Variants in CACNA1E observed in about 807,000 individuals in gnomAD.
CACNA1E encodes calcium voltage-gated channel subunit alpha1 E.
A neutral mutation model predicts 259.2 loss-of-function variants in CACNA1E; 40 were observed. That is an observed-to-expected ratio of 0.15 (90% CI 0.12 to 0.20). The LOEUF (loss-of-function observed/expected upper bound fraction) is 0.20. CACNA1E is among the 10% of genes least tolerant of loss of function. The probability of loss-of-function intolerance (pLI) is 1.00; values close to 1 mark genes in which losing one functional copy is unlikely to be tolerated. For missense variants in CACNA1E, 1,874 were observed against 3,040.1 expected (o/e 0.62, Z 9.02); for synonymous variants, 1,104 against 1,138.5 (o/e 0.97, Z 0.61).
intron 25 of CACNA1E, among the ~76,000 whole-genome samples, chr1:181,750,176 C>G (rs2102653044): frequency 6.6e-6 from 1 of 152,366 alleles, no homozygotes; most frequent in African/African-American, 2.4e-5. Context: ...CACACAATAC[C>G]CAGAAGTCTA....
At chr1:181,411,704 G>A (rs1477974205) in intron 1 of CACNA1E, among the ~76,000 whole-genome samples, 10 of 152,142 alleles carry the variant, frequency 6.6e-5, no homozygotes, top group Admixed American at 6.5e-4. Flanking sequence ...CTGCCCACCG[G>A]GTTCAAGCGA....
chr1:181,318,875 G>T (rs1442938882), intron 1 of CACNA1E, among the ~76,000 whole-genome samples: 1 of 152,192 alleles, frequency 6.6e-6, no homozygotes, highest in Non-Finnish European at 1.5e-5. Context: ...GGCTGCATAG[G>T]GTGACTTGCT....
At chr1:181,658,897 AG>A (rs1160648478) in intron 7 of CACNA1E, among the ~76,000 whole-genome samples, 4 of 151,894 alleles carry the variant, frequency 2.6e-5, no homozygotes, top group Non-Finnish European at 5.9e-5. Context: ...TGGTGTCTGC[AG>A]GGGGTTCAGC....
At chr1:181,402,609 C>A (rs1198518135) in intron 1 of CACNA1E, among the ~76,000 whole-genome samples, 2 of 152,196 alleles carry the variant, frequency 1.3e-5, no homozygotes, top group Non-Finnish European at 2.9e-5. Context: ...TTAGAAAGTG[C>A]TGCTGACAAC....
At chr1:181,334,856 A>C (rs944392710) in intron 1 of CACNA1E, among the ~76,000 whole-genome samples, 8 of 152,274 alleles carry the variant, frequency 5.3e-5, no homozygotes, top group Admixed American at 2.6e-4. Context: ...TTCCCATCTT[A>C]CTGAGAGTAG....
chr1:181,613,086 T>A (rs1438313721), intron 6 of CACNA1E, among the ~76,000 whole-genome samples: 2 of 152,254 alleles, frequency 1.3e-5, no homozygotes, highest in Admixed American at 1.3e-4. Flanking sequence ...CTCTGTTCTA[T>A]TCCATTGTAT....
chr1:181,564,793 A>T (rs1458951105), intron 3 of CACNA1E, among the ~76,000 whole-genome samples: 2 of 152,166 alleles, frequency 1.3e-5, no homozygotes, highest in African/African-American at 4.8e-5. Flanking sequence ...TGCAGAGTGG[A>T]TGTTGTGTTA....
chr1:181,601,087 G>T (rs1471433196), intron 6 of CACNA1E, among the ~76,000 whole-genome samples: 2 of 152,074 alleles, frequency 1.3e-5, no homozygotes, highest in African/African-American at 4.8e-5. Context: ...GGGCTACTTT[G>T]CCATAGGGGA....
intron 6 of CACNA1E, among the ~76,000 whole-genome samples, chr1:181,623,916 A>T (rs1249542213): frequency 6.6e-6 from 1 of 152,342 alleles, no homozygotes; most frequent in South Asian, 2.1e-4. Context: ...TTTTCTTGCT[A>T]TAAAAGAATA....
intron 1 of CACNA1E, among the ~76,000 whole-genome samples, chr1:181,411,009 G>C (rs928393892): frequency 6.6e-5 from 10 of 152,216 alleles, no homozygotes; most frequent in African/African-American, 2.4e-4. Flanking sequence ...CTGGTTGAAT[G>C]ATCTGGAGGC....
rs542284635 is a variant in CACNA1E, at chr1:181,570,558, G to A, written c.513-7208G>A. ...CAGAAGTCTAAAATCACTTTCACTA[G>A]GCTAAAATCCAGGGTTGTGCTTCCC... On this transcript the variant is annotated intron_variant, in intron 3 of 47. Transcript: ENST00000367573. Among the ~76,000 whole-genome samples the A allele has an allele frequency of 4.6e-5, 7 of 152,268 alleles. No homozygotes were observed. The East Asian group carries it at 1.4e-3, about 29-fold the overall frequency.
chr1:181,519,424 G>A (rs912621971), intron 3 of CACNA1E, among the ~76,000 whole-genome samples: 4 of 152,152 alleles, frequency 2.6e-5, no homozygotes, highest in African/African-American at 9.7e-5. Flanking sequence ...CCAAAGGGAA[G>A]GGGCAAGGTG....
At chr1:181,382,588 C>T (rs891854629) in intron 1 of CACNA1E, among the ~76,000 whole-genome samples, 1 of 152,066 alleles carries the variant, frequency 6.6e-6, no homozygotes, top group South Asian at 2.1e-4. Flanking sequence ...TCATTTGGGC[C>T]TTGAAATTTT....
intron 6 of CACNA1E, among the ~76,000 whole-genome samples, chr1:181,581,697 A>G (rs1489258465): frequency 6.6e-6 from 1 of 152,140 alleles, no homozygotes; most frequent in African/African-American, 2.4e-5. Context: ...GACTTGAGGT[A>G]TGTGGTTTGA....
intron 2 of CACNA1E, among the ~76,000 whole-genome samples, chr1:181,446,105 A>G (rs1244097624): frequency 6.6e-6 from 1 of 152,198 alleles, no homozygotes; most frequent in Non-Finnish European, 1.5e-5. Context: ...GCTCACTAGC[A>G]GGGCTGACCT....
chr1:181,399,578 C>T (rs1656940186), intron 1 of CACNA1E, among the ~76,000 whole-genome samples: 1 of 152,184 alleles, frequency 6.6e-6, no homozygotes, highest in Admixed American at 6.5e-5. Context: ...AGTGAAATCC[C>T]TGTCAACGGA....
intron 2 of CACNA1E, among the ~76,000 whole-genome samples, chr1:181,441,896 T>C (rs1295970703): frequency 6.6e-6 from 1 of 152,090 alleles, no homozygotes; most frequent in Non-Finnish European, 1.5e-5. Flanking sequence ...TGAAGCAGCC[T>C]GGGAGAGAGT....
At position 181,757,123 on chromosome 1, in the gene CACNA1E, T is replaced by C; in HGVS notation, c.4326T>C (p.Asn1442=). ...TGGAGGAGTGCAGCCTGGAGAAGAA[T>C]GAGGTAATGACAATTGGTCTAAAGT... is the stretch of plus-strand genomic sequence containing the variant. ...KMMEECSLEK[N]ERACIDFAIS... The change falls in exon 30 of 48, where the codon AAT becomes AAC. Residue 1442 remains asparagine (N), a synonymous_variant. Transcript: ENST00000367573. The C allele has an allele frequency of 6.2e-7, 1 of 1,611,824 alleles. No individual in the cohort carries two copies.
chr1:181,596,257 G>C (rs763730754), intron 6 of CACNA1E, among the ~76,000 whole-genome samples: 1 of 152,148 alleles, frequency 6.6e-6, no homozygotes, highest in Non-Finnish European at 1.5e-5. Context: ...AGGCTTTTGG[G>C]AAGCAGCCTC....
Sources: gnomAD v4.1 joint callset for allele counts (sites outside exome capture counted in the v4.1 genomes callset) on GRCh38, gnomAD v4.1.1 for gene constraint, MANE v1.5 for transcripts, NCBI Gene and HGNC (gene_info 2026-07-23, HGNC 2026-07-21) for gene names.